Variants in LUZP2 observed in about 807,000 individuals in gnomAD.
LUZP2 encodes leucine zipper protein 2.
A neutral mutation model predicts 51.6 loss-of-function variants in LUZP2; 52 were observed. The ratio of observed to expected loss-of-function variants is 1.01; its 90% CI spans 0.81 to 1.27. LUZP2 has a LOEUF of 1.27. Among genes scored for constraint, LUZP2 ranks in the 50% most tolerant of loss-of-function variants. The pLI, the probability that LUZP2 is intolerant of heterozygous loss-of-function variation, is 0.00. For missense variants in LUZP2, 436 were observed against 395.4 expected (o/e 1.10, Z -0.87); for synonymous variants, 154 against 137.3 (o/e 1.12, Z -0.85).
intron 1 of LUZP2, among the ~76,000 whole-genome samples, chr11:24,586,620 T>TA (rs1390688627): frequency 6.6e-6 from 1 of 152,084 alleles, no homozygotes; most frequent in Non-Finnish European, 1.5e-5. Flanking sequence ...CCATGCTTAA[T>TA]AAAATACAAG....
chr11:24,867,423 C>G (rs1418740997), intron 5 of LUZP2, among the ~76,000 whole-genome samples: 2 of 152,090 alleles, frequency 1.3e-5, no homozygotes, highest in Non-Finnish European at 2.9e-5. Flanking sequence ...CTTTCTCTCC[C>G]TTCTCTTTCT....
At chr11:25,024,702 C>CAT (rs1857433051) in intron 9 of LUZP2, among the ~76,000 whole-genome samples, 1 of 151,880 alleles carries the variant, frequency 6.6e-6, no homozygotes, top group African/African-American at 2.4e-5. Context: ...ATCAATATTG[C>CAT]GAAAATGGCC....
At chr11:24,982,461 A>G (rs1856065756) in intron 8 of LUZP2, among the ~76,000 whole-genome samples, 1 of 151,876 alleles carries the variant, frequency 6.6e-6, no homozygotes, top group Non-Finnish European at 1.5e-5. Context: ...TTTTGCAGGA[A>G]CTTGGATGGA....
At chr11:24,948,831 CTATCTATCTATCTATCTATCTATCT>C in intron 7 of LUZP2, among the ~76,000 whole-genome samples, 1 of 95,808 alleles carries the variant, frequency 1.0e-5, no homozygotes, top group Non-Finnish European at 2.1e-5. Flanking sequence ...TATCATCTAT[CTATCTATCTATCTATCTATCTATCT>C]ATCTATCTAT....
intron 1 of LUZP2, among the ~76,000 whole-genome samples, chr11:24,713,984 C>G (rs1204664263): frequency 6.7e-6 from 1 of 150,272 alleles, no homozygotes; most frequent in East Asian, 2.0e-4. Context: ...GCATGAGCCA[C>G]CATGCCTGGC....
intron 5 of LUZP2, among the ~76,000 whole-genome samples, chr11:24,779,807 A>G (rs1447723850): frequency 6.6e-6 from 1 of 152,094 alleles, no homozygotes; most frequent in Non-Finnish European, 1.5e-5. Flanking sequence ...CTGTCTTTAT[A>G]AGAGAAAGGC....
chr11:24,625,345 CA>C (rs34697664), intron 1 of LUZP2, among the ~76,000 whole-genome samples: 77,626 of 135,414 alleles, frequency 0.57, 21,403 homozygotes, highest in African/African-American at 0.75. Context: ...GTTCTCATTT[CA>C]AAAAAAAAAG....
intron 9 of LUZP2, among the ~76,000 whole-genome samples, chr11:25,011,108 G>A (rs1856972889): frequency 6.6e-6 from 1 of 152,162 alleles, no homozygotes; most frequent in Non-Finnish European, 1.5e-5. Flanking sequence ...AGCAACCCTC[G>A]AGGGCATGGG....
At chr11:24,857,792 C>T (rs1359774104) in intron 5 of LUZP2, among the ~76,000 whole-genome samples, 2 of 151,930 alleles carry the variant, frequency 1.3e-5, no homozygotes, top group Admixed American at 1.3e-4. Context: ...GATTCCTACC[C>T]CTGAACTATA....
intron 1 of LUZP2, among the ~76,000 whole-genome samples, chr11:24,507,585 G>A (rs1325443460): frequency 6.6e-6 from 1 of 151,894 alleles, no homozygotes; most frequent in Non-Finnish European, 1.5e-5. Context: ...TGAGACAAAA[G>A]GTGAAATGTC....
chr11:24,632,873 A>G (rs1854943652), intron 1 of LUZP2, among the ~76,000 whole-genome samples: 1 of 152,024 alleles, frequency 6.6e-6, no homozygotes, highest in African/African-American at 2.4e-5. Flanking sequence ...TACTCACCCA[A>G]TCTTGTTTGA....
At chr11:24,793,905 TTTATATTCTGACTAACCAATTA>T (rs1175051990) in intron 5 of LUZP2, among the ~76,000 whole-genome samples, 1 of 148,600 alleles carries the variant, frequency 6.7e-6, no homozygotes, top group Admixed American at 6.8e-5. Flanking sequence ...TTCTTTATCT[TTTATATTCTGACTAACCAATTA>T]TTATATTCTG....
chr11:24,933,175 T>C (rs1014120570), intron 7 of LUZP2, among the ~76,000 whole-genome samples: 1 of 152,186 alleles, frequency 6.6e-6, no homozygotes, highest in Non-Finnish European at 1.5e-5. Context: ...TTTTTGACTG[T>C]CTCTTGGAGC....
chr11:24,805,802 G>A (rs1403963438), intron 5 of LUZP2, among the ~76,000 whole-genome samples: 1 of 152,166 alleles, frequency 6.6e-6, no homozygotes, highest in Non-Finnish European at 1.5e-5. Flanking sequence ...CAGAGTAATG[G>A]AGAAGTAAGA....
At chr11:24,630,899 T>A (rs1442482535) in intron 1 of LUZP2, among the ~76,000 whole-genome samples, 2 of 151,918 alleles carry the variant, frequency 1.3e-5, no homozygotes, top group African/African-American at 4.8e-5. Context: ...AGTTTCTTTT[T>A]GTAGAGATCT....
At chr11:24,607,483 G>T (rs551052481) in intron 1 of LUZP2, among the ~76,000 whole-genome samples, 1 of 150,294 alleles carries the variant, frequency 6.7e-6, no homozygotes, top group Admixed American at 6.7e-5. Context: ...CTTTACTCTG[G>T]ACTTTTTTTT....
At chr11:24,886,755 A>G (rs1311798025) in intron 5 of LUZP2, among the ~76,000 whole-genome samples, 1 of 152,180 alleles carries the variant, frequency 6.6e-6, no homozygotes, top group Non-Finnish European at 1.5e-5. Flanking sequence ...ATAAACACAC[A>G]TGGTTTAGAT....
chr11:24,999,262 T>C (rs1157887083), intron 9 of LUZP2, among the ~76,000 whole-genome samples: 1 of 151,972 alleles, frequency 6.6e-6, no homozygotes, highest in East Asian at 1.9e-4. Flanking sequence ...GCAGAAATGA[T>C]AATTTCCAGA....
chr11:25,022,499 C>T (rs891680007), intron 9 of LUZP2, among the ~76,000 whole-genome samples: 13 of 151,958 alleles, frequency 8.6e-5, no homozygotes, highest in Non-Finnish European at 1.6e-4. Context: ...ATCAATTGTC[C>T]TTCATCATTT....
Sources: gnomAD v4.1 joint callset for allele counts (sites outside exome capture counted in the v4.1 genomes callset) on GRCh38, gnomAD v4.1.1 for gene constraint, MANE v1.5 for transcripts, NCBI Gene and HGNC (gene_info 2026-07-23, HGNC 2026-07-21) for gene names.